Variants in GRIK1 observed in about 807,000 individuals in gnomAD.
The protein encoded by GRIK1 is glutamate receptor ionotropic, kainate 1.
A neutral mutation model predicts 105.7 loss-of-function variants in GRIK1; 69 were observed. The ratio of observed to expected loss-of-function variants is 0.65; its 90% confidence interval spans 0.54 to 0.80. The LOEUF (loss-of-function observed/expected upper bound fraction) is 0.80, where lower values mean the gene tolerates loss of function less well. Among genes scored for constraint, GRIK1 ranks in the 30% least tolerant of loss-of-function variants. The pLI is 0.00. For synonymous variants in GRIK1, 438 were observed against 431.3 expected (o/e 1.02, Z -0.19); for missense variants, 1,109 against 1,167.3 (o/e 0.95, Z 0.73).
At chr21:29,806,065 G>C (rs1011100694) in intron 1 of GRIK1, among the ~76,000 whole-genome samples, 4 of 152,082 alleles carry the variant, frequency 2.6e-5, no homozygotes, top group African/African-American at 9.7e-5. Context: ...TAATAAAATT[G>C]TGCTGTGACA....
At chr21:29,604,057 A>G (rs529538274) in intron 7 of GRIK1, among the ~76,000 whole-genome samples, 2 of 152,330 alleles carry the variant, frequency 1.3e-5, no homozygotes, top group Admixed American at 6.5e-5. Context: ...AGGGGAGCAT[A>G]TGGCTTATAG....
chr21:29,597,493 G>A (rs775484577), intron 8 of GRIK1: 3 of 243,808 alleles, frequency 1.2e-5, no homozygotes, highest in East Asian at 2.0e-4. Flanking sequence ...CTCATGCTTC[G>A]AGAAGCAGAC....
intron 1 of GRIK1, among the ~76,000 whole-genome samples, chr21:29,761,753 C>T (rs1249759989): frequency 2.2e-5 from 3 of 138,558 alleles, no homozygotes. Flanking sequence ...TTCTTTCGTT[C>T]TTTTTTTTTT....
intron 14 of GRIK1, among the ~76,000 whole-genome samples, chr21:29,570,477 G>T (rs896287501): frequency 2.6e-5 from 4 of 151,814 alleles, no homozygotes; most frequent in African/African-American, 9.7e-5. Context: ...ACTCCAGCAT[G>T]GGCGACAGGG....
intron 1 of GRIK1, among the ~76,000 whole-genome samples, chr21:29,737,219 T>A (rs2064816560): frequency 6.6e-6 from 1 of 152,208 alleles, no homozygotes. Flanking sequence ...TTGGCGAGAC[T>A]CTGGCCTGGG....
intron 10 of GRIK1, among the ~76,000 whole-genome samples, chr21:29,589,566 C>T (rs746133708): frequency 1.5e-4 from 22 of 150,660 alleles, no homozygotes; most frequent in African/African-American, 4.7e-4. Context: ...GGACTACAGG[C>T]GCCTGCCACC....
At chr21:29,802,810 G>T (rs2066749698) in intron 1 of GRIK1, among the ~76,000 whole-genome samples, 1 of 152,124 alleles carries the variant, frequency 6.6e-6, no homozygotes, top group East Asian at 1.9e-4. Context: ...AGTATATACT[G>T]ACTTGTTTCC....
intron 14 of GRIK1, among the ~76,000 whole-genome samples, chr21:29,562,929 T>C (rs2090518256): frequency 6.8e-6 from 1 of 146,872 alleles, no homozygotes; most frequent in East Asian, 2.0e-4. Flanking sequence ...ATTACTTAAA[T>C]ATGAATTTTC....
rs553211977 is a variant in GRIK1, at chr21:29,927,448, T to G, written c.118+11935A>C. Among the ~76,000 whole-genome samples the G allele has an allele frequency of 4.0e-5, 6 of 150,420 alleles. No individual in the cohort carries two copies. In the East Asian group the frequency reaches 1.2e-3, roughly 29 times the overall value. On this transcript the variant is annotated intron_variant, in intron 1 of 17. Coordinates refer to ENST00000327783, the MANE Select transcript of GRIK1 (RefSeq NM_001330994.2). ...ATATTCAGTATTTTGGGCTGTAGTG[T>G]GTATAATATATGCAATAAATATGCT... is the stretch of plus-strand genomic sequence containing the variant.
intron 12 of GRIK1, 88 bp downstream of exon 12, chr21:29,587,278 A>G: frequency 1.3e-6 from 1 of 749,524 alleles, no homozygotes; most frequent in Non-Finnish European, 2.3e-6. Context: ...GTACACTTTA[A>G]AGTTCCTAAT....
intron 7 of GRIK1, among the ~76,000 whole-genome samples, chr21:29,636,749 T>C (rs117153108): frequency 0.013 from 1,959 of 152,318 alleles, 25 homozygotes; most frequent in South Asian, 0.035. Context: ...TCTTTGTTGG[T>C]TTACCTGCTT....
chr21:29,553,719 A>G (rs763241433), intron 16 of GRIK1: 1 of 1,508,850 alleles, frequency 6.6e-7, no homozygotes, highest in East Asian at 2.3e-5. Context: ...CATGCAAAAG[A>G]AATGAGAAAA....
chr21:29,549,011 G>A (rs1310447721), intron 16 of GRIK1, among the ~76,000 whole-genome samples: 1 of 152,116 alleles, frequency 6.6e-6, no homozygotes, highest in African/African-American at 2.4e-5. Context: ...TGCTGTTGAT[G>A]CATTTGTTCA....
Position 29,858,484 on chromosome 21 carries a change from C to T in GRIK1, c.118+80899G>A, listed in dbSNP as rs73343774. ...CTTCCTTTAGGAAGTGACTCCCCGG[C>T]GGCTGTTCCTATGGGGACCCAGGTA... On this transcript the variant is annotated intron_variant, in intron 1 of 17. Coordinates refer to ENST00000327783, the MANE Select transcript of GRIK1 (RefSeq NM_001330994.2). Among the ~76,000 whole-genome samples, 917 of 152,218 alleles carry T rather than the reference C, an allele frequency of 6.0e-3. 14 individuals are homozygous for T. The highest frequency in any genetic ancestry group is 0.021 in the African/African-American group (872 of 41,512).
At chr21:29,541,650 G>T (rs1434917109) in intron 16 of GRIK1, among the ~76,000 whole-genome samples, 1 of 135,446 alleles carries the variant, frequency 7.4e-6, no homozygotes, top group Non-Finnish European at 1.5e-5. Flanking sequence ...GCCATCTGAT[G>T]CACATCTGTG....
intron 1 of GRIK1, among the ~76,000 whole-genome samples, chr21:29,768,023 A>C (rs1033919851): frequency 1.3e-5 from 2 of 152,198 alleles, no homozygotes; most frequent in African/African-American, 4.8e-5. Flanking sequence ...ATGGGGTCCC[A>C]GCTACCAATC....
intron 1 of GRIK1, among the ~76,000 whole-genome samples, chr21:29,715,669 G>A (rs1054710673): frequency 6.7e-6 from 1 of 148,920 alleles, no homozygotes; most frequent in Non-Finnish European, 1.5e-5. Flanking sequence ...TCTCATCAAT[G>A]TATGTTGGAC....
rs114741661 is a variant in GRIK1 at position 29,717,266 on chromosome 21, C to T, written c.119-23203G>A. 5.6e-3 allele frequency among the ~76,000 whole-genome samples: 857 copies of T among 152,348 alleles called. 16 individuals are homozygous for T. Among genetic ancestry groups the T allele is most frequent in the African/African-American group, 0.019 (805 of 41,570 alleles). On this transcript the variant is annotated intron_variant, in intron 1 of 17. Coordinates refer to ENST00000327783, the MANE Select transcript of GRIK1 (RefSeq NM_001330994.2). Reference sequence around the variant, plus strand: ...GGGAAATACAGGGTTGGAGCCCCCACACAGAGTCCCCACTGTAGCACTCCC... The same window carrying T: ...GGGAAATACAGGGTTGGAGCCCCCATACAGAGTCCCCACTGTAGCACTCCC...
At chr21:29,910,521 T>C (rs1408768946) in intron 1 of GRIK1, among the ~76,000 whole-genome samples, 2 of 152,166 alleles carry the variant, frequency 1.3e-5, no homozygotes, top group East Asian at 1.9e-4. Context: ...AAAGTCATGG[T>C]AGATTTTTCT....
Sources: gnomAD v4.1 joint callset for allele counts (sites outside exome capture counted in the v4.1 genomes callset) on GRCh38, gnomAD v4.1.1 for gene constraint, MANE v1.5 for transcripts, NCBI Gene and HGNC (gene_info 2026-07-23, HGNC 2026-07-21) for gene names.